FAM168A: variants seen among roughly 807,000 people sequenced by gnomAD.
FAM168A encodes the protein protein FAM168A.
FAM168A carries 3 observed loss-of-function variants against 28.5 expected under a neutral mutation model. The observed-to-expected ratio is 0.11, with a 90% CI of 0.05 to 0.27. FAM168A has a LOEUF of 0.27. FAM168A is among the 10% of genes least tolerant of loss of function. FAM168A has a pLI of 1.00. For synonymous variants in FAM168A, 122 were observed against 124.2 expected, an observed-to-expected ratio of 0.98 and a Z score of 0.12; for missense variants, 222 against 311.5, an observed-to-expected ratio of 0.71 and a Z score of 2.16.
At chr11:73,569,315 C>T (rs1944058723) in intron 1 of FAM168A, among the ~76,000 whole-genome samples, 1 of 152,108 alleles carries the variant, frequency 6.6e-6, no homozygotes, top group South Asian at 2.1e-4. Context: ...ACACTGTTGC[C>T]AGCTACTAAA....
intron 2 of FAM168A, among the ~76,000 whole-genome samples, chr11:73,457,721 GACAAAAAAAAAAAAAA>G (rs1867562649): frequency 7.9e-5 from 1 of 12,690 alleles, no homozygotes; most frequent in African/African-American, 2.8e-4. Flanking sequence ...TAGCCTGGGT[GACAAAAAAAAAAAAAA>G]AAAAAAAAAA....
chr11:73,521,697 A>C (rs1369692063), intron 1 of FAM168A, among the ~76,000 whole-genome samples: 2 of 152,216 alleles, frequency 1.3e-5, no homozygotes, highest in African/African-American at 2.4e-5. Flanking sequence ...TAATGGTAAT[A>C]ACAACGGGGA....
At chr11:73,569,857 T>TAAATAAATAAATAAACAAAC (rs1210704680) in intron 1 of FAM168A, among the ~76,000 whole-genome samples, 1 of 135,158 alleles carries the variant, frequency 7.4e-6, no homozygotes, top group Non-Finnish European at 1.5e-5. Context: ...AATAAATAAA[T>TAAATAAATAAATAAACAAAC]AAACAAAATA....
At chr11:73,547,474 GA>G (rs781451727) in intron 1 of FAM168A, among the ~76,000 whole-genome samples, 1 of 152,054 alleles carries the variant, frequency 6.6e-6, no homozygotes, top group Non-Finnish European at 1.5e-5. Flanking sequence ...AAAAGAAAAA[GA>G]AAGAAAATAG....
chr11:73,430,845 C>T, intron 2 of FAM168A, 75 bp from the exon 3 acceptor site: 1 of 1,233,886 alleles, frequency 8.1e-7, no homozygotes, highest in Non-Finnish European at 1.1e-6. Context: ...CAAAAAAACA[C>T]CCAGATTTTT....
intron 1 of FAM168A, among the ~76,000 whole-genome samples, chr11:73,587,278 G>A (rs1944326108): frequency 6.6e-6 from 1 of 151,980 alleles, no homozygotes; most frequent in Non-Finnish European, 1.5e-5. Context: ...ATCACCTGAG[G>A]TCAGGAGTTC....
chr11:73,523,286 T>C (rs1472315987), intron 1 of FAM168A, among the ~76,000 whole-genome samples: 1 of 152,162 alleles, frequency 6.6e-6, no homozygotes, highest in Non-Finnish European at 1.5e-5. Flanking sequence ...TCATATGTTT[T>C]TGGGGAGAAG....
chr11:73,580,253 A>G, intron 1 of FAM168A: 1 of 547,100 alleles, frequency 1.8e-6, no homozygotes, highest in Admixed American at 2.0e-5. Flanking sequence ...CGCCGCCACC[A>G]TGCCCAAGAA....
intron 2 of FAM168A, among the ~76,000 whole-genome samples, chr11:73,456,581 A>G (rs920046061): frequency 6.6e-6 from 1 of 152,188 alleles, no homozygotes; most frequent in Non-Finnish European, 1.5e-5. Flanking sequence ...ACTTTCTTTT[A>G]TGCAATGCTA....
chr11:73,567,095 G>A (rs1310565180), intron 1 of FAM168A, among the ~76,000 whole-genome samples: 1 of 152,204 alleles, frequency 6.6e-6, no homozygotes, highest in African/African-American at 2.4e-5. Flanking sequence ...GGCAGCAGAT[G>A]GAAGAATGGA....
chr11:73,430,587 G>T, intron 3 of FAM168A, 103 bp downstream of exon 3: 2 of 1,077,536 alleles, frequency 1.9e-6, no homozygotes, highest in South Asian at 1.3e-5. Context: ...GGCTGCGCCC[G>T]GAGCAATTAA....
intron 1 of FAM168A, among the ~76,000 whole-genome samples, chr11:73,593,878 C>A (rs1403368278): frequency 6.6e-6 from 1 of 152,158 alleles, no homozygotes; most frequent in African/African-American, 2.4e-5. Flanking sequence ...ACTTCAAAAC[C>A]CACATTTAAC....
intron 1 of FAM168A, among the ~76,000 whole-genome samples, chr11:73,496,058 G>C (rs953261838): frequency 6.6e-6 from 1 of 152,082 alleles, no homozygotes; most frequent in Non-Finnish European, 1.5e-5. Flanking sequence ...TAAAGAAAAT[G>C]TTGTATACAC....
chr11:73,429,637 T>C (rs1866948951), intron 3 of FAM168A, among the ~76,000 whole-genome samples: 1 of 152,158 alleles, frequency 6.6e-6, no homozygotes, highest in Admixed American at 6.6e-5. Context: ...AAAGAACAGC[T>C]TCTACTTCTT....
intron 1 of FAM168A, among the ~76,000 whole-genome samples, chr11:73,571,419 T>C (rs1450893000): frequency 6.6e-6 from 1 of 152,068 alleles, no homozygotes; most frequent in East Asian, 1.9e-4. Flanking sequence ...CTGGTTTTCG[T>C]ATTTTTTTGG....
At chr11:73,496,772 G>C (rs1313770482) in intron 1 of FAM168A, among the ~76,000 whole-genome samples, 1 of 151,996 alleles carries the variant, frequency 6.6e-6, no homozygotes, top group Non-Finnish European at 1.5e-5. Context: ...GTGTTAGCCA[G>C]GATGGTCTTG....
intron 2 of FAM168A, among the ~76,000 whole-genome samples, chr11:73,444,462 T>C (rs972677966): frequency 2.6e-5 from 4 of 152,246 alleles, no homozygotes; most frequent in Non-Finnish European, 5.9e-5. Flanking sequence ...CTAGTCAGCA[T>C]GGCTTTTTGT....
chr11:73,468,600 G>A (rs1430176816), intron 1 of FAM168A, 108 bp from the exon 2 acceptor site: 2 of 908,236 alleles, frequency 2.2e-6, no homozygotes, highest in African/African-American at 1.7e-5. Flanking sequence ...GCATCAGGGT[G>A]TAGTGGAAAG....
chr11:73,484,548 C>CTATAGCTATATATCTA (rs1555026151), intron 1 of FAM168A, among the ~76,000 whole-genome samples: 1 of 124,866 alleles, frequency 8.0e-6, no homozygotes, highest in Admixed American at 7.7e-5. Flanking sequence ...ATATATCTAT[C>CTATAGCTATATATCTA]TATATCTATA....
Sources: gnomAD v4.1 joint callset for allele counts (sites outside exome capture counted in the v4.1 genomes callset) on GRCh38, gnomAD v4.1.1 for gene constraint, MANE v1.5 for transcripts, NCBI Gene and HGNC (gene_info 2026-07-23, HGNC 2026-07-21) for gene names.